Variants in CAST observed in about 807,000 individuals in gnomAD.
CAST encodes MIR583 host.
CAST carries 76 observed loss-of-function variants against 119.6 expected under a neutral mutation model. The observed-to-expected ratio is 0.64, with a 90% CI of 0.53 to 0.77. The LOEUF is 0.77. CAST is among the 30% of genes least tolerant of loss of function. The probability of loss-of-function intolerance (pLI) is 0.00; values close to 1 mark genes in which losing one functional copy is unlikely to be tolerated. For synonymous variants in CAST, 319 were observed against 331.6 expected, an observed-to-expected ratio of 0.96 and a Z score of 0.41; for missense variants, 953 against 946.5, an observed-to-expected ratio of 1.01 and a Z score of -0.09.
At chr5:96,433,417 G>A in the CAST span, 3 of 346,766 alleles carry the variant, frequency 8.7e-6, no homozygotes, top group Middle Eastern at 9.6e-4. Context: ...GGAAGGAACT[G>A]TTTGCTGGGA....
At chr5:96,513,242 A>G in the CAST span, among the ~76,000 whole-genome samples, 1 of 152,250 alleles carries the variant, frequency 6.6e-6, no homozygotes, top group Admixed American at 6.5e-5. Flanking sequence ...TTCTGTATTC[A>G]TGAGCAAGCC....
chr5:96,172,370 G>A, the CAST span, among the ~76,000 whole-genome samples: 20 of 152,294 alleles, frequency 1.3e-4, no homozygotes, highest in Middle Eastern at 3.4e-3. Context: ...GGATGTATAC[G>A]TGCAGGTCAC....
At chr5:96,395,235 A>T in the CAST span, among the ~76,000 whole-genome samples, 184 of 152,362 alleles carry the variant, frequency 1.2e-3, no homozygotes, top group African/African-American at 4.3e-3. Flanking sequence ...ATAATCAAAC[A>T]TTTAATTTAA....
chr5:96,532,997 C>A (rs1393402921), intron 1 of CAST, among the ~76,000 whole-genome samples: 2 of 150,180 alleles, frequency 1.3e-5, no homozygotes, highest in Admixed American at 6.7e-5. Context: ...TGCACTCCAG[C>A]CTGGGTGACA....
the CAST span, among the ~76,000 whole-genome samples, chr5:96,305,284 G>A: frequency 3.9e-5 from 6 of 152,170 alleles, no homozygotes; most frequent in African/African-American, 1.4e-4. Flanking sequence ...GAATGCTTGT[G>A]ATTTTTGCAC....
the CAST span, chr5:96,397,319 C>G: frequency 6.2e-7 from 1 of 1,610,054 alleles, no homozygotes; most frequent in Non-Finnish European, 8.5e-7. Flanking sequence ...TTTTTTCATC[C>G]TCTCATTCAC....
At chr5:96,236,509 G>A in the CAST span, among the ~76,000 whole-genome samples, 1 of 152,128 alleles carries the variant, frequency 6.6e-6, no homozygotes, top group Non-Finnish European at 1.5e-5. Context: ...GCATGAGTGG[G>A]TCTGAAATGT....
chr5:96,290,979 T>C, the CAST span, among the ~76,000 whole-genome samples: 2 of 152,186 alleles, frequency 1.3e-5, no homozygotes, highest in African/African-American at 4.8e-5. Flanking sequence ...CTCTTGAATC[T>C]CTCCCTCTGG....
the CAST span, among the ~76,000 whole-genome samples, chr5:96,329,335 A>G: frequency 1.3e-5 from 2 of 152,258 alleles, no homozygotes; most frequent in African/African-American, 4.8e-5. Flanking sequence ...TGACTCAACC[A>G]CAAAGCTTTC....
chr5:96,184,633 G>A, the CAST span, among the ~76,000 whole-genome samples: 1 of 150,888 alleles, frequency 6.6e-6, no homozygotes, highest in Non-Finnish European at 1.5e-5. Flanking sequence ...GTGTTAGTTT[G>A]CTGAGGGTAA....
At chr5:96,480,777 G>C in the CAST span, among the ~76,000 whole-genome samples, 1 of 152,196 alleles carries the variant, frequency 6.6e-6, no homozygotes, top group Non-Finnish European at 1.5e-5. Context: ...GGTCTATACT[G>C]TTAAGTTTTA....
the CAST span, among the ~76,000 whole-genome samples, chr5:96,440,594 G>A: frequency 1.3e-5 from 2 of 152,086 alleles, no homozygotes; most frequent in South Asian, 2.1e-4. Flanking sequence ...AGGATAAATG[G>A]CAGCAGGGTG....
chr5:96,091,697 G>A, the CAST span, among the ~76,000 whole-genome samples: 1 of 150,768 alleles, frequency 6.6e-6, no homozygotes. Context: ...GTAGAGACAG[G>A]GTTTCATTAT....
chr5:96,302,987 A>G, the CAST span, among the ~76,000 whole-genome samples: 3 of 152,158 alleles, frequency 2.0e-5, no homozygotes, highest in African/African-American at 7.2e-5. Context: ...AATTTTCTGT[A>G]TTAGTCCATT....
intron 4 of CAST, among the ~76,000 whole-genome samples, chr5:96,725,333 T>C (rs1038518729): frequency 6.6e-6 from 1 of 152,174 alleles, no homozygotes; most frequent in Non-Finnish European, 1.5e-5. Context: ...GGAAACATAA[T>C]GTATATTGGA....
upstream of CAST, among the ~76,000 whole-genome samples, chr5:96,525,820 G>C (rs1377884265): frequency 6.6e-6 from 1 of 152,188 alleles, no homozygotes; most frequent in Non-Finnish European, 1.5e-5. Context: ...TTTGAAAATT[G>C]GCGTGCTGAG....
chr5:96,042,747 C>G, the CAST span, among the ~76,000 whole-genome samples: 1 of 152,066 alleles, frequency 6.6e-6, no homozygotes, highest in African/African-American at 2.4e-5. Context: ...TTCTCACTTG[C>G]GAATCCTAGA....
chr5:96,332,962 C>G, the CAST span, among the ~76,000 whole-genome samples: 1 of 152,198 alleles, frequency 6.6e-6, no homozygotes, highest in African/African-American at 2.4e-5. Flanking sequence ...TATCGCTCAG[C>G]GTGCTGATTG....
the CAST span, among the ~76,000 whole-genome samples, chr5:96,154,783 A>G: frequency 1.3e-5 from 2 of 152,234 alleles, no homozygotes; most frequent in Non-Finnish European, 2.9e-5. Flanking sequence ...ACTGGGTTAT[A>G]GGATTTTAGA....
Sources: gnomAD v4.1 joint callset for allele counts (sites outside exome capture counted in the v4.1 genomes callset) on GRCh38, gnomAD v4.1.1 for gene constraint, MANE v1.5 for transcripts, NCBI Gene and HGNC (gene_info 2026-07-23, HGNC 2026-07-21) for gene names.